Variants in FBXO33 observed in about 807,000 individuals in gnomAD.
FBXO33 encodes F-box protein 33, also known as F-box only protein 33.
Under a neutral mutation model 46.3 loss-of-function variants are expected in FBXO33, and 22 were observed. The ratio of observed to expected loss-of-function variants is 0.48; its 90% CI spans 0.34 to 0.68. The LOEUF is 0.68. Ranked by LOEUF, FBXO33 falls within the 30% of genes least tolerant of loss-of-function variation. The pLI, the probability that FBXO33 is intolerant of heterozygous loss-of-function variation, is 0.01. For missense variants in FBXO33, 692 were observed against 708.8 expected (o/e 0.98, Z 0.27); for synonymous variants, 337 against 291.3 (o/e 1.16, Z -1.60).
chr14:39,408,417 G>A (rs1303629276), intron 1 of FBXO33, among the ~76,000 whole-genome samples: 1 of 152,030 alleles, frequency 6.6e-6, no homozygotes, highest in East Asian at 1.9e-4. Flanking sequence ...TTAAAATTAG[G>A]TTAAATTTGT....
intron 1 of FBXO33, among the ~76,000 whole-genome samples, chr14:39,409,318 CACA>C (rs1490520331): frequency 6.6e-6 from 1 of 152,140 alleles, no homozygotes; most frequent in African/African-American, 2.4e-5. Context: ...TTTCAGTTTA[CACA>C]ACACCATTTG....
chr14:39,417,412 G>A (rs1302039272), intron 1 of FBXO33, among the ~76,000 whole-genome samples: 2 of 152,232 alleles, frequency 1.3e-5, no homozygotes, highest in Non-Finnish European at 2.9e-5. Flanking sequence ...AGAAGCTGAT[G>A]TGGGCAAAGT....
chr14:39,426,716 T>G (rs1202250749), intron 1 of FBXO33, among the ~76,000 whole-genome samples: 1 of 152,198 alleles, frequency 6.6e-6, no homozygotes, highest in Non-Finnish European at 1.5e-5. Flanking sequence ...TACTGTTTCT[T>G]GTGTGTGGAA....
intron 1 of FBXO33, among the ~76,000 whole-genome samples, chr14:39,403,577 GTTAAAATCTTTTGGTTTTAGATAAT>G (rs1418777067): frequency 6.6e-6 from 1 of 152,032 alleles, no homozygotes; most frequent in African/African-American, 2.4e-5. Context: ...AGAAAACTAT[GTTAAAATCTTTTGGTTTTAGATAAT>G]TTTAGCTACA....
rs1185978595 is a variant in FBXO33 at position 39,409,923 on chromosome 14, A to G, written c.600-7412T>C. 5.3e-5 allele frequency among the ~76,000 whole-genome samples: 8 copies of G among 152,100 alleles called. No individual in the cohort carries two copies. The East Asian group carries it at 7.7e-4, about 15-fold the overall frequency. On this transcript the variant is annotated intron_variant, in intron 1 of 3. Coordinates refer to ENST00000298097, the MANE Select transcript of FBXO33 (RefSeq NM_203301.4). ...TCCACCAACCTTGCTGAATTTATTA[A>G]GAGTTTTTTTTTTGGTGGTGTCTTT...
At position 39,399,328 on chromosome 14, in the gene FBXO33, T is replaced by C; in HGVS notation, c.*188A>G. Reference sequence around the variant, plus strand: ...TTAACCGTGAAAGCCCTATACATTGTCACTTTGAACTTCTAAACCAATACC... The same window carrying C: ...TTAACCGTGAAAGCCCTATACATTGCCACTTTGAACTTCTAAACCAATACC... On this transcript the variant is annotated 3_prime_UTR_variant, in exon 4 of 4. Transcript: ENST00000298097. 2.0e-6 allele frequency: 1 copy of C among 499,816 alleles called. No individual in the cohort carries two copies. Among genetic ancestry groups the C allele is most frequent in the East Asian group, 3.1e-5 (1 of 32,278 alleles). The allele number at this position is 499,816 out of a possible 1,614,324, so 31.0% of individuals were successfully genotyped here.
At chr14:39,429,793 G>T (rs1417087324) in intron 1 of FBXO33, among the ~76,000 whole-genome samples, 1 of 152,142 alleles carries the variant, frequency 6.6e-6, no homozygotes, top group African/African-American at 2.4e-5. Context: ...GGCAGGCATC[G>T]GTGGCCTTAT....
intron 1 of FBXO33, among the ~76,000 whole-genome samples, chr14:39,424,360 A>C (rs1032220355): frequency 6.6e-6 from 1 of 152,212 alleles, no homozygotes; most frequent in African/African-American, 2.4e-5. Context: ...AATTTCACTT[A>C]ACGTGTTTTC....
intron 3 of FBXO33, 73 bp downstream of exon 3, chr14:39,401,103 G>GCTAT: frequency 7.5e-7 from 1 of 1,334,442 alleles, no homozygotes; most frequent in Non-Finnish European, 1.0e-6. Context: ...AAAGGTCAGT[G>GCTAT]CTATCTCTTT....
Position 39,401,754 on chromosome 14 carries a change from G to A in FBXO33, c.818C>T (p.Ser273Phe), listed in dbSNP as rs904377528. ...IVTPTSLSSL[S>F]NAVANTMEHL... Reference sequence around the variant, plus strand: ...CTCCATGGTGTTGGCAACAGCATTAGAGAGAGATGACAGTGATGTTGGGGT... The same window carrying A: ...CTCCATGGTGTTGGCAACAGCATTAAAGAGAGATGACAGTGATGTTGGGGT... The change falls in exon 3 of 4, where the codon TCT becomes TTT. Residue 273 changes from serine (S) to phenylalanine (F), a missense_variant. Transcript: ENST00000298097. 6.2e-7 allele frequency: 1 copy of A among 1,614,078 alleles called. No homozygotes were observed. The highest frequency in any genetic ancestry group is 1.3e-5 in the African/African-American group (1 of 74,936).
At chr14:39,422,698 G>A (rs2075491114) in intron 1 of FBXO33, among the ~76,000 whole-genome samples, 1 of 152,146 alleles carries the variant, frequency 6.6e-6, no homozygotes, top group South Asian at 2.1e-4. Context: ...GGTGACATAA[G>A]ACAATATCTT....
intron 1 of FBXO33, among the ~76,000 whole-genome samples, chr14:39,405,957 G>T (rs1258249174): frequency 6.7e-6 from 1 of 149,944 alleles, no homozygotes; most frequent in Non-Finnish European, 1.5e-5. Flanking sequence ...ACATTTCAAG[G>T]AGACATCGAA....
intron 1 of FBXO33, among the ~76,000 whole-genome samples, chr14:39,406,767 G>A (rs2139405053): frequency 6.6e-6 from 1 of 152,292 alleles, no homozygotes; most frequent in Non-Finnish European, 1.5e-5. Flanking sequence ...CAAGTCTGAA[G>A]AGAGAACCGC....
chr14:39,412,857 C>CAT (rs2075430134), intron 1 of FBXO33, among the ~76,000 whole-genome samples: 1 of 152,236 alleles, frequency 6.6e-6, no homozygotes, highest in Non-Finnish European at 1.5e-5. Context: ...AAAAGCAATA[C>CAT]ATATACCTTA....
At chr14:39,404,664 GAAGT>G (rs897700009) in intron 1 of FBXO33, among the ~76,000 whole-genome samples, 1 of 152,126 alleles carries the variant, frequency 6.6e-6, no homozygotes, top group Non-Finnish European at 1.5e-5. Flanking sequence ...TTAACCAGGA[GAAGT>G]AAGGTAGGGA....
intron 1 of FBXO33, among the ~76,000 whole-genome samples, chr14:39,412,241 C>A (rs2075426789): frequency 6.6e-6 from 1 of 152,172 alleles, no homozygotes; most frequent in Non-Finnish European, 1.5e-5. Flanking sequence ...TAGGTGCCCT[C>A]ATACTGGATG....
intron 1 of FBXO33, among the ~76,000 whole-genome samples, chr14:39,416,097 T>C (rs778751187): frequency 4.6e-5 from 7 of 152,222 alleles, no homozygotes; most frequent in Non-Finnish European, 1.0e-4. Flanking sequence ...CTTTGTGTTA[T>C]TTATTGTTCC....
chr14:39,425,981 T>C (rs1450629283), intron 1 of FBXO33, among the ~76,000 whole-genome samples: 18 of 152,166 alleles, frequency 1.2e-4, no homozygotes, highest in Admixed American at 5.9e-4. Flanking sequence ...AGAAGTTATT[T>C]CCCAGAACTT....
rs192460057 is a variant in FBXO33, at chr14:39,413,137, G to T, written c.600-10626C>A. On this transcript the variant is annotated intron_variant, in intron 1 of 3. Coordinates refer to ENST00000298097, the MANE Select transcript of FBXO33 (RefSeq NM_203301.4). ...CACAGGAGAGATTGTTTTTACAATT[G>T]GACTCAATCCCCTTAAACTCTGCTG... Among the ~76,000 whole-genome samples, 884 of 152,292 alleles carry T rather than the reference G, an allele frequency of 5.8e-3. 7 individuals are homozygous for T. The highest frequency in any genetic ancestry group is 0.02 in the African/African-American group (845 of 41,548).
Sources: gnomAD v4.1 joint callset for allele counts (sites outside exome capture counted in the v4.1 genomes callset) on GRCh38, gnomAD v4.1.1 for gene constraint, MANE v1.5 for transcripts, NCBI Gene and HGNC (gene_info 2026-07-23, HGNC 2026-07-21) for gene names.